Variants in NRG3 observed in about 807,000 individuals in gnomAD.
The protein encoded by NRG3 is neuregulin 3, also known as pro-neuregulin-3, membrane-bound isoform.
A neutral mutation model predicts 66.9 loss-of-function variants in NRG3; 31 were observed. The ratio of observed to expected loss-of-function variants is 0.46; its 90% CI spans 0.35 to 0.63. The LOEUF (loss-of-function observed/expected upper bound fraction) is 0.63, where lower values mean the gene tolerates loss of function less well. Ranked by LOEUF, NRG3 falls within the 20% of genes least tolerant of loss-of-function variation. The pLI is 0.00. For synonymous variants in NRG3, 393 were observed against 359.4 expected (o/e 1.09, Z -1.06); for missense variants, 910 against 878.9 (o/e 1.04, Z -0.45).
intron 1 of NRG3, among the ~76,000 whole-genome samples, chr10:82,149,137 C>T (rs2070499773): frequency 6.6e-6 from 1 of 151,788 alleles, no homozygotes; most frequent in Admixed American, 6.6e-5. Flanking sequence ...ATTCAGTTGC[C>T]TAGATTTGAC....
At chr10:82,005,922 T>TGTGTGTGA (rs1491063424) in intron 1 of NRG3, among the ~76,000 whole-genome samples, 5 of 151,496 alleles carry the variant, frequency 3.3e-5, no homozygotes, top group Admixed American at 1.3e-4. Context: ...TGTGTGTGTG[T>TGTGTGTGA]GAATCACCTT....
intron 3 of NRG3, among the ~76,000 whole-genome samples, chr10:82,861,522 T>C (rs2064125313): frequency 6.6e-6 from 1 of 152,212 alleles, no homozygotes; most frequent in Non-Finnish European, 1.5e-5. Flanking sequence ...AACATTCAGA[T>C]TGGCCCTCCA....
chr10:82,423,590 A>G (rs1014181491), intron 2 of NRG3, among the ~76,000 whole-genome samples: 2 of 151,916 alleles, frequency 1.3e-5, no homozygotes, highest in African/African-American at 4.8e-5. Flanking sequence ...AACAGTAATT[A>G]CCATTATGAA....
At chr10:82,471,225 A>C (rs1239340024) in intron 2 of NRG3, among the ~76,000 whole-genome samples, 1 of 152,078 alleles carries the variant, frequency 6.6e-6, no homozygotes, top group Non-Finnish European at 1.5e-5. Context: ...TAGACTTCCT[A>C]CCTCACAGAT....
At chr10:82,833,408 T>C (rs1251974966) in intron 3 of NRG3, among the ~76,000 whole-genome samples, 4 of 152,150 alleles carry the variant, frequency 2.6e-5, no homozygotes, top group Non-Finnish European at 5.9e-5. Flanking sequence ...TGTTTCCCAC[T>C]GACAGATGCC....
chr10:82,068,975 A>T (rs1234778185), intron 1 of NRG3, among the ~76,000 whole-genome samples: 2 of 152,228 alleles, frequency 1.3e-5, no homozygotes, highest in South Asian at 4.1e-4. Flanking sequence ...CAAGAATTGT[A>T]TTTGAGTTAA....
At chr10:82,665,288 A>G (rs181744611) in intron 2 of NRG3, among the ~76,000 whole-genome samples, 2 of 152,330 alleles carry the variant, frequency 1.3e-5, no homozygotes, top group Admixed American at 6.5e-5. Context: ...CTTGAACAAT[A>G]GTGTTATTCT....
chr10:82,340,476 G>A (rs1443299375), intron 1 of NRG3, among the ~76,000 whole-genome samples: 1 of 152,098 alleles, frequency 6.6e-6, no homozygotes, highest in Non-Finnish European at 1.5e-5. Flanking sequence ...GAAAGTGCTT[G>A]GATATCTGAA....
chr10:82,192,426 G>T (rs769422581), intron 1 of NRG3, among the ~76,000 whole-genome samples: 1 of 152,150 alleles, frequency 6.6e-6, no homozygotes, highest in Non-Finnish European at 1.5e-5. Context: ...TGGGCATAGG[G>T]TACAGATATT....
At chr10:82,309,504 C>T (rs1054203479) in intron 1 of NRG3, among the ~76,000 whole-genome samples, 3 of 152,018 alleles carry the variant, frequency 2.0e-5, no homozygotes, top group Admixed American at 6.6e-5. Context: ...CTTAAGAAGC[C>T]CTTCACTGAT....
intron 1 of NRG3, among the ~76,000 whole-genome samples, chr10:82,053,532 G>A (rs923179252): frequency 1.3e-5 from 2 of 152,178 alleles, no homozygotes; most frequent in African/African-American, 4.8e-5. Flanking sequence ...AGAATTCATG[G>A]AATGACATTG....
chr10:82,963,782 TGAGGCAGTTAG>T (rs1272740179), intron 6 of NRG3, among the ~76,000 whole-genome samples: 1 of 152,220 alleles, frequency 6.6e-6, no homozygotes, highest in Non-Finnish European at 1.5e-5. Context: ...AAATAAGTGA[TGAGGCAGTTAG>T]GAACAAAATG....
At chr10:82,037,619 A>C (rs2062845488) in intron 1 of NRG3, among the ~76,000 whole-genome samples, 1 of 152,184 alleles carries the variant, frequency 6.6e-6, no homozygotes, top group Non-Finnish European at 1.5e-5. Context: ...CAGCATTGGC[A>C]GGATCTCATA....
intron 2 of NRG3, among the ~76,000 whole-genome samples, chr10:82,588,627 C>T (rs573797969): frequency 2.6e-5 from 4 of 152,132 alleles, no homozygotes; most frequent in East Asian, 3.9e-4. Context: ...CTCAGCCTCC[C>T]GAGTAGCTGG....
At chr10:82,783,124 G>A (rs1248388726) in intron 3 of NRG3, among the ~76,000 whole-genome samples, 3 of 152,156 alleles carry the variant, frequency 2.0e-5, no homozygotes, top group African/African-American at 7.2e-5. Context: ...TATCTCAATA[G>A]ATACAGAAAA....
chr10:82,051,659 G>T (rs1236374666), intron 1 of NRG3, among the ~76,000 whole-genome samples: 1 of 152,132 alleles, frequency 6.6e-6, no homozygotes, highest in African/African-American at 2.4e-5. Context: ...ACCACCTTGT[G>T]TATGAAGGAT....
chr10:82,511,501 G>T (rs1463543484), intron 2 of NRG3, among the ~76,000 whole-genome samples: 1 of 152,174 alleles, frequency 6.6e-6, no homozygotes, highest in Non-Finnish European at 1.5e-5. Context: ...TCCCCGCTGG[G>T]CACCTTCGGG....
chr10:82,898,947 T>C (rs1437734451), intron 4 of NRG3, among the ~76,000 whole-genome samples: 2 of 152,126 alleles, frequency 1.3e-5, no homozygotes, highest in Middle Eastern at 3.4e-3. Context: ...CCTGACCTCG[T>C]GATCTGCCTG....
intron 2 of NRG3, among the ~76,000 whole-genome samples, chr10:82,723,316 A>C (rs1413072231): frequency 1.3e-5 from 2 of 152,132 alleles, no homozygotes; most frequent in African/African-American, 4.8e-5. Context: ...ACTACTGGAG[A>C]GGGGAAGGAT....
Sources: gnomAD v4.1 joint callset for allele counts (sites outside exome capture counted in the v4.1 genomes callset) on GRCh38, gnomAD v4.1.1 for gene constraint, MANE v1.5 for transcripts, NCBI Gene and HGNC (gene_info 2026-07-23, HGNC 2026-07-21) for gene names.